Variants in OOSP1 observed in about 807,000 individuals in gnomAD.
OOSP1 encodes putative oocyte-secreted protein 1 homolog.
Under a neutral mutation model 5.7 loss-of-function variants are expected in OOSP1, and 11 were observed. That is an observed-to-expected ratio of 1.94 (90% CI 1.22 to 3.20). The LOEUF (loss-of-function observed/expected upper bound fraction) is 3.20, where lower values mean the gene tolerates loss of function less well. Among genes scored for constraint, OOSP1 ranks in the 30% most tolerant of loss-of-function variants. The probability of loss-of-function intolerance (pLI) is 0.00; values close to 1 mark genes in which losing one functional copy is unlikely to be tolerated. For synonymous variants in OOSP1, 44 were observed against 20.0 expected, an observed-to-expected ratio of 2.20 and a Z score of -3.20; for missense variants, 83 against 54.1, an observed-to-expected ratio of 1.53 and a Z score of -1.67.
At chr11:59,944,513 G>T (rs1352704122) in intron 2 of OOSP1, among the ~76,000 whole-genome samples, 1 of 152,070 alleles carries the variant, frequency 6.6e-6, no homozygotes, top group African/African-American at 2.4e-5. Context: ...ATGAATATGG[G>T]TATCTCTGAA....
In OOSP1 at chr11:59,938,859, G is replaced by A. The variant is rs558650823; in HGVS notation, c.76+329G>A. 5.3e-5 allele frequency among the ~76,000 whole-genome samples: 8 copies of A among 152,316 alleles called. No homozygotes were observed. The South Asian group carries it at 1.7e-3, about 32-fold the overall frequency. ...GTGGAGTGGCCTGGAAAACAGAGGA[G>A]TGGGTGGTGGTAGGAACTTGGGACT... On this transcript the variant is annotated intron_variant, in intron 1 of 4. Transcript: ENST00000646685.
intron 1 of OOSP1, among the ~76,000 whole-genome samples, chr11:59,940,895 A>G (rs1170695192): frequency 6.6e-6 from 1 of 152,244 alleles, no homozygotes; most frequent in African/African-American, 2.4e-5. Flanking sequence ...ACAGAGATCA[A>G]TTATACTATT....
chr11:59,944,994 T>C (rs759319918), intron 2 of OOSP1, among the ~76,000 whole-genome samples, 175 bp from the exon 3 acceptor site: 2 of 152,234 alleles, frequency 1.3e-5, no homozygotes, highest in African/African-American at 2.4e-5. Flanking sequence ...TTTTAACCCA[T>C]CTGTCAGTTT....
intron 1 of OOSP1, among the ~76,000 whole-genome samples, chr11:59,941,754 T>C (rs1416420707): frequency 2.0e-5 from 3 of 152,168 alleles, no homozygotes; most frequent in Non-Finnish European, 4.4e-5. Context: ...TGTTGAGTCA[T>C]ATGGTTGTTG....
Position 59,949,242 on chromosome 11 carries a change from G to A in OOSP1, c.486+1380G>A, listed in dbSNP as rs564604031. On this transcript the variant is annotated intron_variant, in intron 4 of 4. Transcript: ENST00000646685. The stretch of plus-strand genomic sequence containing the variant: ...TCATGGAGTTCACACTTTAGTAGGA[G>A]GAGGCAGAGTATACACAAAAAACAT... 1.5e-3 allele frequency among the ~76,000 whole-genome samples: 229 copies of A among 152,190 alleles called. 2 individuals carry two copies. Among genetic ancestry groups the A allele is most frequent in the Non-Finnish European group, 1.7e-3 (114 of 68,014 alleles).
chr11:59,940,998 T>C (rs1853818762), intron 1 of OOSP1, among the ~76,000 whole-genome samples: 1 of 152,240 alleles, frequency 6.6e-6, no homozygotes, highest in Admixed American at 6.5e-5. Context: ...GACAGACATT[T>C]CTATTGTAAT....
intron 3 of OOSP1, among the ~76,000 whole-genome samples, chr11:59,946,921 A>G (rs930450617): frequency 1.7e-5 from 2 of 114,630 alleles, no homozygotes; most frequent in African/African-American, 6.9e-5. Context: ...TACCATATCT[A>G]TCTATCTATC....
At chr11:59,939,585 CTCTT>C (rs1243612414) in intron 1 of OOSP1, among the ~76,000 whole-genome samples, 2 of 100,878 alleles carry the variant, frequency 2.0e-5, no homozygotes, top group African/African-American at 8.1e-5. Flanking sequence ...CTCTCCTTCT[CTCTT>C]TTTCTTTTTT....
At chr11:59,949,419 A>G (rs1853917593) in intron 4 of OOSP1, among the ~76,000 whole-genome samples, 1 of 152,032 alleles carries the variant, frequency 6.6e-6, no homozygotes, top group African/African-American at 2.4e-5. Context: ...AGCTCAAGGA[A>G]GTGAGAAAAT....
At chr11:59,941,670 G>T (rs1425176426) in intron 1 of OOSP1, among the ~76,000 whole-genome samples, 4 of 152,122 alleles carry the variant, frequency 2.6e-5, no homozygotes, top group Non-Finnish European at 5.9e-5. Flanking sequence ...GAGCCACCTC[G>T]CCCAGCCCAT....
chr11:59,947,584 G>A (rs952575113), intron 3 of OOSP1, 149 bp from the exon 4 acceptor site: 116 of 391,168 alleles, frequency 3.0e-4, no homozygotes, highest in African/African-American at 2.2e-3. Context: ...ATGTTCTGGG[G>A]TGGGGTGTGT....
chr11:59,944,613 G>T (rs1353875420), intron 2 of OOSP1, among the ~76,000 whole-genome samples: 1 of 151,948 alleles, frequency 6.6e-6, no homozygotes, highest in Non-Finnish European at 1.5e-5. Context: ...ACTATTAATT[G>T]TCTTAACTCC....
exon 2 of OOSP1, chr11:59,942,952 G>C (rs1439137582): frequency 1.4e-6 from 1 of 702,962 alleles, no homozygotes; most frequent in Admixed American, 2.0e-5. Context: ...GGAGATGGCT[G>C]CCATGTAACC....
At chr11:59,954,605 C>T (rs913483789) in intron 4 of OOSP1, among the ~76,000 whole-genome samples, 4 of 151,500 alleles carry the variant, frequency 2.6e-5, no homozygotes, top group Non-Finnish European at 4.4e-5. Context: ...AGTCCATTTT[C>T]CACCAGAGAA....
chr11:59,942,914 G>C, exon 2 of OOSP1: 1 of 702,862 alleles, frequency 1.4e-6, no homozygotes, highest in Non-Finnish European at 2.6e-6. Flanking sequence ...TTTACAATTT[G>C]TATGTGAACC....
chr11:59,952,601 G>T (rs939224199), intron 4 of OOSP1, among the ~76,000 whole-genome samples: 5 of 152,114 alleles, frequency 3.3e-5, no homozygotes, highest in Non-Finnish European at 5.9e-5. Context: ...ACAAAGACAT[G>T]CAGAGTGATA....
chr11:59,946,678 G>A (rs1853886716), intron 3 of OOSP1, among the ~76,000 whole-genome samples: 1 of 152,108 alleles, frequency 6.6e-6, no homozygotes, highest in African/African-American at 2.4e-5. Flanking sequence ...GAACCCATAT[G>A]CAAGTTTCCT....
chr11:59,953,045 T>C (rs1853956605), intron 4 of OOSP1, among the ~76,000 whole-genome samples: 1 of 152,144 alleles, frequency 6.6e-6, no homozygotes, highest in Non-Finnish European at 1.5e-5. Flanking sequence ...TTTCTATTGG[T>C]TTATTTTTAC....
chr11:59,939,636 C>G (rs189910606), intron 1 of OOSP1, among the ~76,000 whole-genome samples: 1 of 143,868 alleles, frequency 7.0e-6, no homozygotes, highest in Non-Finnish European at 1.5e-5. Flanking sequence ...TTCTATTACT[C>G]TTCCCTTTCT....
Sources: allele counts gnomAD v4.1 joint callset (sites outside exome capture counted in the v4.1 genomes callset), GRCh38; gene constraint gnomAD v4.1.1; transcripts MANE v1.5; gene names NCBI Gene and HGNC (gene_info 2026-07-23, HGNC 2026-07-21).